The following CSNK2A1 variants were observed in gnomAD, a reference collection of about 807,000 sequenced individuals.
CSNK2A1 encodes casein kinase 2 alpha 1.
A neutral mutation model predicts 62.9 loss-of-function variants in CSNK2A1; 10 were observed. That is an observed-to-expected ratio of 0.16 (90% CI 0.10 to 0.27). The LOEUF (loss-of-function observed/expected upper bound fraction) is 0.27, where lower values mean the gene tolerates loss of function less well. Ranked by LOEUF, CSNK2A1 falls within the 10% of genes least tolerant of loss-of-function variation. CSNK2A1 has a pLI of 1.00. For missense variants in CSNK2A1, 160 were observed against 492.0 expected, an observed-to-expected ratio of 0.33 and a Z score of 6.38; for synonymous variants, 124 against 167.8, an observed-to-expected ratio of 0.74 and a Z score of 2.02.
chr20:520,944 C>T (rs1312264831), intron 2 of CSNK2A1, among the ~76,000 whole-genome samples: 1 of 151,976 alleles, frequency 6.6e-6, no homozygotes, highest in Non-Finnish European at 1.5e-5. Context: ...TGTATAATCC[C>T]AGGCTGGGTG....
rs1446135368 is a variant in CSNK2A1, at chr20:487,434, G to C, written c.966C>G (p.Pro322=). ...RLTAREAMEH[P]YFYTVVKDQA... ...CTAGATATCTGGACTCACAGAAATA[G>C]GGGTGCTCCATTGCCTCTCTTGCAG... The change falls in exon 12 of 14, where the codon CCC becomes CCG. Residue 322 remains proline, a synonymous_variant. Transcript: ENST00000217244. The C allele has an allele frequency of 6.2e-7, 1 of 1,613,850 alleles. No individual in the cohort carries two copies. The highest frequency in any genetic ancestry group is 1.1e-5 in the South Asian group (1 of 91,062).
At chr20:503,634 C>G (rs748767949) in intron 4 of CSNK2A1, 1 of 398,052 alleles carries the variant, frequency 2.5e-6, no homozygotes, top group Non-Finnish European at 4.4e-6. Context: ...TGTTATACTC[C>G]TCGCGATGGC....
chr20:525,321 G>A (rs766952880), intron 2 of CSNK2A1, among the ~76,000 whole-genome samples: 1 of 151,784 alleles, frequency 6.6e-6, no homozygotes, highest in Non-Finnish European at 1.5e-5. Flanking sequence ...AGACCAGCCT[G>A]GGCAACATGG....
Position 499,508 on chromosome 20 carries a change from T to C in CSNK2A1, c.316-203A>G, listed in dbSNP as rs1021692095. Reference sequence around the variant, plus strand: ...TGGGATGGATTTCAAACAGAAGACATGGAGCTGAAGTCTCACCAGGCTCTA... The same window carrying C: ...TGGGATGGATTTCAAACAGAAGACACGGAGCTGAAGTCTCACCAGGCTCTA... On this transcript the variant is annotated intron_variant, in intron 5 of 13. Coordinates refer to ENST00000217244, the MANE Select transcript of CSNK2A1 (RefSeq NM_177559.3). The surrounding 1 kb of genome is among the most constrained non-coding windows in gnomAD (Gnocchi z 4.2). The C allele has an allele frequency of 1.3e-5, 7 of 557,772 alleles. No individual in the cohort carries two copies. Among genetic ancestry groups the C allele is most frequent in the East Asian group, 3.0e-5 (1 of 33,796 alleles). 34.6% of individuals were successfully genotyped at this position (557,772 alleles called of 1,614,324 possible). A position where few individuals can be genotyped will look rare whatever the true frequency, so the allele number is the denominator to read the frequency against.
At chr20:529,190 ATTTT>A (rs34902417) in intron 1 of CSNK2A1, among the ~76,000 whole-genome samples, 1 of 137,122 alleles carries the variant, frequency 7.3e-6, no homozygotes, top group Admixed American at 7.3e-5. Context: ...ACTCCTGGCT[ATTTT>A]TTTTTTTTTT....
chr20:539,728 C>T (rs766811401), intron 1 of CSNK2A1: 3 of 152,248 alleles, frequency 2.0e-5, no homozygotes, highest in Non-Finnish European at 4.4e-5. Flanking sequence ...ATGCAAAATA[C>T]ATCCATCCCA....
intron 2 of CSNK2A1, among the ~76,000 whole-genome samples, chr20:524,293 C>A (rs535264476): frequency 6.6e-6 from 1 of 150,580 alleles, no homozygotes; most frequent in African/African-American, 2.4e-5. Flanking sequence ...TGTGGTGGTG[C>A]GTGCCTGTAG....
chr20:536,200 T>C (rs778232216), intron 1 of CSNK2A1, among the ~76,000 whole-genome samples: 1 of 151,936 alleles, frequency 6.6e-6, no homozygotes, highest in Non-Finnish European at 1.5e-5. Context: ...ACAGGCTACA[T>C]TAGAAACAAG....
intron 2 of CSNK2A1, among the ~76,000 whole-genome samples, chr20:525,771 G>C (rs892849373): frequency 5.4e-5 from 8 of 149,514 alleles, no homozygotes; most frequent in African/African-American, 1.5e-4. Context: ...TTGAGCTCAG[G>C]AGTTTGGAGA....
At chr20:497,474 A>G (rs945504680) in intron 7 of CSNK2A1, among the ~76,000 whole-genome samples, 1 of 151,104 alleles carries the variant, frequency 6.6e-6, no homozygotes. Flanking sequence ...TTTTGTAGAG[A>G]TGGGGATCTC....
intron 1 of CSNK2A1, among the ~76,000 whole-genome samples, chr20:540,621 A>T (rs1197568229): frequency 2.0e-5 from 3 of 152,098 alleles, no homozygotes; most frequent in Non-Finnish European, 4.4e-5. Flanking sequence ...TGCAGCCTTG[A>T]CTTCCTGGGC....
intron 2 of CSNK2A1, among the ~76,000 whole-genome samples, chr20:521,459 T>A (rs1173763652): frequency 6.6e-6 from 1 of 152,216 alleles, no homozygotes; most frequent in Non-Finnish European, 1.5e-5. Flanking sequence ...AATACATTCC[T>A]GGTAGGAATG....
chr20:510,112 G>A (rs1468279868), intron 2 of CSNK2A1: 1 of 151,668 alleles, frequency 6.6e-6, no homozygotes, highest in Non-Finnish European at 1.5e-5. Context: ...TTAAATTATT[G>A]TATCAATGTA....
intron 3 of CSNK2A1, chr20:507,518 C>T (rs2018629469): frequency 6.6e-6 from 1 of 152,156 alleles, no homozygotes. Flanking sequence ...TGCAAACATC[C>T]AAATGAGTCT....
intron 8 of CSNK2A1, among the ~76,000 whole-genome samples, chr20:492,915 T>A (rs998997462): frequency 6.6e-5 from 10 of 152,164 alleles, no homozygotes; most frequent in African/African-American, 2.4e-4. Context: ...AACAGAAAAG[T>A]CATACAATAC....
intron 2 of CSNK2A1, among the ~76,000 whole-genome samples, chr20:525,227 T>C (rs1460165850): frequency 1.3e-5 from 2 of 151,984 alleles, no homozygotes; most frequent in East Asian, 3.9e-4. Flanking sequence ...ATTTATAAAC[T>C]TAGGCCAGGT....
intron 9 of CSNK2A1, among the ~76,000 whole-genome samples, chr20:491,592 G>A (rs2018236218): frequency 6.6e-6 from 1 of 152,066 alleles, no homozygotes; most frequent in Non-Finnish European, 1.5e-5. Flanking sequence ...GATCACTTGA[G>A]CCCAGAAGTT....
intron 7 of CSNK2A1, among the ~76,000 whole-genome samples, chr20:497,264 C>T (rs2018363753): frequency 6.6e-6 from 1 of 152,148 alleles, no homozygotes; most frequent in African/African-American, 2.4e-5. Flanking sequence ...CCTCCTGTCA[C>T]AGCCTCCCAA....
chr20:514,302 C>T (rs895310241), intron 2 of CSNK2A1, among the ~76,000 whole-genome samples: 1 of 151,992 alleles, frequency 6.6e-6, no homozygotes, highest in Non-Finnish European at 1.5e-5. Flanking sequence ...CATGATCTCA[C>T]CACTGCACTC....
Sources: allele counts gnomAD v4.1 joint callset (sites outside exome capture counted in the v4.1 genomes callset), GRCh38; gene constraint gnomAD v4.1.1; non-coding constraint Gnocchi (gnomAD v3.1); transcripts MANE v1.5; gene names NCBI Gene and HGNC (gene_info 2026-07-23, HGNC 2026-07-21).